The following ERC2 variants were observed in gnomAD, a reference collection of about 807,000 sequenced individuals.
The protein encoded by ERC2 is ELKS/RAB6-interacting/CAST family member 2.
Under a neutral mutation model 114.8 loss-of-function variants are expected in ERC2, and 42 were observed. That is an observed-to-expected ratio of 0.37 (90% CI 0.29 to 0.47). The LOEUF (loss-of-function observed/expected upper bound fraction) is 0.47. Ranked by LOEUF, ERC2 falls within the 20% of genes least tolerant of loss-of-function variation. The pLI, the probability that ERC2 is intolerant of heterozygous loss-of-function variation, is 0.99. For synonymous variants in ERC2, 454 were observed against 425.5 expected, an observed-to-expected ratio of 1.07 and a Z score of -0.82; for missense variants, 939 against 1,150.7, an observed-to-expected ratio of 0.82 and a Z score of 2.66.
intron 14 of ERC2, among the ~76,000 whole-genome samples, chr3:55,847,951 C>G (rs1462372737): frequency 1.3e-5 from 2 of 152,034 alleles, no homozygotes; most frequent in Admixed American, 6.5e-5. Flanking sequence ...GATGTGCCAC[C>G]ACGCCTGGCT....
At chr3:56,375,227 A>G (rs73073992) in intron 2 of ERC2, among the ~76,000 whole-genome samples, 5,075 of 152,316 alleles carry the variant, frequency 0.033, 180 homozygotes, top group African/African-American at 0.081. Context: ...AGGGCTAAGC[A>G]TGGGAGAGCG....
intron 14 of ERC2, among the ~76,000 whole-genome samples, chr3:55,845,671 A>G (rs1408558025): frequency 6.6e-6 from 1 of 152,246 alleles, no homozygotes; most frequent in Non-Finnish European, 1.5e-5. Context: ...TGAATTACTT[A>G]GAATCCATTT....
At chr3:55,823,777 T>A (rs2060220274) in intron 14 of ERC2, among the ~76,000 whole-genome samples, 1 of 152,210 alleles carries the variant, frequency 6.6e-6, no homozygotes, top group African/African-American at 2.4e-5. Context: ...GACTTCTGTT[T>A]AATGAAGAGT....
intron 14 of ERC2, among the ~76,000 whole-genome samples, chr3:55,851,299 A>G (rs1042431186): frequency 4.6e-5 from 7 of 152,234 alleles, no homozygotes; most frequent in African/African-American, 1.7e-4. Context: ...TCCAGGCTTT[A>G]TTCTCAGCAT....
chr3:56,054,619 A>T (rs971697597), intron 7 of ERC2, among the ~76,000 whole-genome samples: 1 of 152,190 alleles, frequency 6.6e-6, no homozygotes, highest in African/African-American at 2.4e-5. Context: ...CCTATGGAAA[A>T]GATACTGTGT....
intron 14 of ERC2, among the ~76,000 whole-genome samples, chr3:55,775,613 G>C (rs948498597): frequency 1.3e-5 from 2 of 151,702 alleles, no homozygotes; most frequent in South Asian, 2.1e-4. Flanking sequence ...GACAGAGAGA[G>C]TAAGGAGAGA....
At chr3:55,883,986 T>G (rs2063246060) in intron 14 of ERC2, among the ~76,000 whole-genome samples, 1 of 152,162 alleles carries the variant, frequency 6.6e-6, no homozygotes, top group African/African-American at 2.4e-5. Flanking sequence ...TGGAGAAATT[T>G]GAAGAAGGCT....
chr3:55,553,011 A>ATTTTTTTTTT lies in ERC2; in HGVS notation c.*40-41745_*40-41736dup, dbSNP rs66602607. 3.4e-3 allele frequency among the ~76,000 whole-genome samples: 187 copies of ATTTTTTTTTT among 55,194 alleles called. 26 individuals carry two copies. Among genetic ancestry groups the ATTTTTTTTTT allele is most frequent in the Non-Finnish European group, 4.2e-3 (126 of 30,190 alleles). The allele number at this position is 55,194 out of a possible 152,430, so 36.2% of individuals were successfully genotyped here. ...GTCGTTATTATTGTGGGGCTTCCAG[A>ATTTTTTTTTT]TTTTTTTTTTTTTTTTTTTTTTTTT... On this transcript the variant is annotated intron_variant, in intron 17 of 17. Coordinates refer to ENST00000288221, the MANE Select transcript of ERC2 (RefSeq NM_015576.3).
intron 1 of ERC2, among the ~76,000 whole-genome samples, chr3:56,448,171 C>G (rs2062667110): frequency 6.6e-6 from 1 of 152,158 alleles, no homozygotes. Context: ...AAAAGCACTT[C>G]CATACCTTAG....
chr3:55,989,678 G>A (rs1301980939), intron 11 of ERC2, among the ~76,000 whole-genome samples: 1 of 152,108 alleles, frequency 6.6e-6, no homozygotes, highest in Non-Finnish European at 1.5e-5. Context: ...GCAACCTGGA[G>A]GAAGTTACTT....
intron 12 of ERC2, among the ~76,000 whole-genome samples, chr3:55,975,266 C>G (rs1292489507): frequency 6.6e-6 from 1 of 152,030 alleles, no homozygotes; most frequent in Non-Finnish European, 1.5e-5. Context: ...CTCGACAAAG[C>G]CTGTTCTTAT....
At position 55,647,734 on chromosome 3, in the gene ERC2, C is replaced by T. The variant is rs577478926; in HGVS notation, c.*39+36060G>A. ...ACAAAGGTCTGCAAATTGGGAGGTA[C>T]GTCTGCTTGGGAAGGGATGCTTATC... On this transcript the variant is annotated intron_variant, in intron 17 of 17. Transcript: ENST00000288221. 2.0e-5 allele frequency among the ~76,000 whole-genome samples: 3 copies of T among 152,298 alleles called. No homozygotes were observed. The South Asian group carries it at 6.2e-4, about 32-fold the overall frequency.
chr3:56,443,077 C>T (rs1368970253), intron 1 of ERC2, among the ~76,000 whole-genome samples: 6 of 152,184 alleles, frequency 3.9e-5, no homozygotes, highest in African/African-American at 1.4e-4. Flanking sequence ...GAAGTTTCAG[C>T]CCTACTAGGC....
At position 56,333,601 on chromosome 3, in the gene ERC2, C is replaced by A. The variant is rs1300704237; in HGVS notation, c.658-37166G>T. Among the ~76,000 whole-genome samples the A allele has an allele frequency of 2.0e-5, 3 of 152,174 alleles. No individual in the cohort carries two copies. In the East Asian group the frequency reaches 5.8e-4, roughly 29 times the overall value. Reference sequence around the variant, plus strand: ...GTCTATGTAAAAGATCACAAAGACACTCCAAAATGCTAAGTAGCAAACCAA... The same window carrying A: ...GTCTATGTAAAAGATCACAAAGACAATCCAAAATGCTAAGTAGCAAACCAA... On this transcript the variant is annotated intron_variant, in intron 2 of 17. Coordinates refer to ENST00000288221, the MANE Select transcript of ERC2 (RefSeq NM_015576.3).
rs548089612 is a variant in ERC2 at position 55,959,792 on chromosome 3, A to G, written c.2268-9232T>C. Among the ~76,000 whole-genome samples, 146 of 152,216 alleles carry G rather than the reference A, an allele frequency of 9.6e-4. 1 individual carries two copies. The highest frequency in any genetic ancestry group is 6.6e-4 in the Non-Finnish European group (45 of 68,042). On this transcript the variant is annotated intron_variant, in intron 12 of 17. Coordinates refer to ENST00000288221, the MANE Select transcript of ERC2 (RefSeq NM_015576.3). ...TTTTTCACATTGTTAAGCATTAAATATGTTGTCACAGTACATCGCTCTCAC... is the reference window on the plus strand; with the variant it reads ...TTTTTCACATTGTTAAGCATTAAATGTGTTGTCACAGTACATCGCTCTCAC...
intron 17 of ERC2, among the ~76,000 whole-genome samples, chr3:55,662,460 T>C (rs2061179342): frequency 6.6e-6 from 1 of 152,208 alleles, no homozygotes; most frequent in South Asian, 2.1e-4. Flanking sequence ...AAGTGAAAAA[T>C]GCAAATCACA....
At chr3:56,065,560 T>C (rs1273252964) in intron 7 of ERC2, among the ~76,000 whole-genome samples, 1 of 152,066 alleles carries the variant, frequency 6.6e-6, no homozygotes, top group East Asian at 1.9e-4. Flanking sequence ...GGTTCCAGGA[T>C]ACATGTGCAG....
intron 10 of ERC2, among the ~76,000 whole-genome samples, chr3:56,002,896 A>G (rs887374992): frequency 2.6e-5 from 4 of 152,078 alleles, no homozygotes; most frequent in African/African-American, 4.8e-5. Context: ...AGTTGGCAAT[A>G]TTTTCTTGAG....
chr3:56,066,018 T>C (rs1011148586), intron 7 of ERC2, among the ~76,000 whole-genome samples: 2 of 152,208 alleles, frequency 1.3e-5, no homozygotes, highest in Non-Finnish European at 2.9e-5. Flanking sequence ...TACATGTGCA[T>C]GTATCTTTAT....
Sources: gnomAD v4.1 joint callset for allele counts (sites outside exome capture counted in the v4.1 genomes callset) on GRCh38, gnomAD v4.1.1 for gene constraint, MANE v1.5 for transcripts, NCBI Gene and HGNC (gene_info 2026-07-23, HGNC 2026-07-21) for gene names.